MROH2A: variants seen among roughly 807,000 people sequenced by gnomAD.
MROH2A encodes the protein maestro heat like repeat family member 2A.
MROH2A carries 174 observed loss-of-function variants against 200.4 expected under a neutral mutation model. The observed-to-expected ratio is 0.87, with a 90% CI of 0.77 to 0.98. The LOEUF (loss-of-function observed/expected upper bound fraction) is 0.98, where lower values mean the gene tolerates loss of function less well. Ranked by LOEUF, MROH2A falls within the 50% of genes least tolerant of loss-of-function variation. The pLI is 0.00. For synonymous variants in MROH2A, 829 were observed against 840.4 expected (o/e 0.99, Z 0.23); for missense variants, 2,045 against 2,139.6 (o/e 0.96, Z 0.87).
At chr2:233,788,888 G>A (rs575086644) in intron 3 of MROH2A, among the ~76,000 whole-genome samples, 6 of 135,446 alleles carry the variant, frequency 4.4e-5, no homozygotes, top group Admixed American at 8.7e-5. Context: ...GCAGTGAGGC[G>A]AAATCGCGCC....
chr2:233,797,777 C>T (rs539183972), intron 11 of MROH2A, among the ~76,000 whole-genome samples: 19 of 152,118 alleles, frequency 1.2e-4, no homozygotes, highest in Non-Finnish European at 2.4e-4. Flanking sequence ...ATGTTCCCCT[C>T]CCTATGTCCA....
chr2:233,780,221 G>A (rs1056936525), intron 3 of MROH2A, among the ~76,000 whole-genome samples: 1 of 152,238 alleles, frequency 6.6e-6, no homozygotes, highest in African/African-American at 2.4e-5. Flanking sequence ...GAGGATGTTG[G>A]AGGGAGTGAT....
At chr2:233,823,803 C>T in intron 35 of MROH2A, 139 bp downstream of exon 35, 1 of 1,056,862 alleles carries the variant, frequency 9.5e-7, no homozygotes, top group Admixed American at 2.4e-5. Context: ...CTCATTCTCT[C>T]ATCTGCTCCT....
At chr2:233,775,932 G>A (rs1245076276), upstream of MROH2A, among the ~76,000 whole-genome samples, 1 of 152,092 alleles carries the variant, frequency 6.6e-6, no homozygotes, top group Non-Finnish European at 1.5e-5. Flanking sequence ...GGTTTTATAG[G>A]GGGCTTTTCC....
chr2:233,792,817 T>TG lies in MROH2A; in HGVS notation c.596dup (p.Ile200HisfsTer15). 1 of 1,548,342 alleles carries TG rather than the reference T, an allele frequency of 6.5e-7. No individual in the cohort carries two copies. The highest frequency in any genetic ancestry group is 1.4e-5 in the African/African-American group (1 of 73,104). On this transcript the variant is annotated frameshift_variant, in exon 6 of 42. Transcript: ENST00000389758. LOFTEE classifies it high-confidence loss of function. ...ACAGTGTTTGAGTTCATGCCATACA[T>TG]GGGCATCACCCTGGCTACCATATTC... is the stretch of plus-strand genomic sequence containing the variant.
At chr2:233,801,457 A>C (rs1245867411) in intron 14 of MROH2A, among the ~76,000 whole-genome samples, 1 of 152,222 alleles carries the variant, frequency 6.6e-6, no homozygotes, top group Non-Finnish European at 1.5e-5. Context: ...AAACAGAACC[A>C]GTAGAAGACA....
In MROH2A at chr2:233,822,050, G is replaced by A; in HGVS notation, c.3513-74G>A. On this transcript the variant is annotated intron_variant, in intron 31 of 41. Transcript: ENST00000389758. ...AACCCCTACTTAGGGGGCTGCCAAGGGTTTGAAAGGGATTCTTACCTGCCA... is the reference window on the plus strand; with the variant it reads ...AACCCCTACTTAGGGGGCTGCCAAGAGTTTGAAAGGGATTCTTACCTGCCA... 1.0e-5 allele frequency: 15 copies of A among 1,475,226 alleles called. No homozygotes were observed. The South Asian group carries it at 1.6e-4, about 16-fold the overall frequency. 91.4% of individuals were successfully genotyped at this position (1,475,226 alleles called of 1,614,324 possible).
In MROH2A at chr2:233,809,251, C is replaced by A. The variant is rs1233409409; in HGVS notation, c.2421C>A (p.Ile807=). Reference sequence around the variant, plus strand: ...TGGACAGCCCCATCACCGCTAAGATCATTCACCATTATGTCAGCAGCTGCC... The same window carrying A: ...TGGACAGCCCCATCACCGCTAAGATAATTCACCATTATGTCAGCAGCTGCC... The part of the protein sequence containing the change: ...NLVDSPITAK[I]IHHYVSSCQD... Residue 807 remains isoleucine, a synonymous_variant, in exon 22 of 42, where the codon ATC becomes ATA. Coordinates refer to ENST00000389758, the MANE Select transcript of MROH2A (RefSeq NM_001394639.1). 6.4e-7 allele frequency: 1 copy of A among 1,550,568 alleles called. No individual in the cohort carries two copies. The highest frequency in any genetic ancestry group is 2.4e-5 in the East Asian group (1 of 40,922).
intron 3 of MROH2A, among the ~76,000 whole-genome samples, chr2:233,783,694 C>T (rs1407655717): frequency 6.6e-6 from 1 of 152,234 alleles, no homozygotes; most frequent in African/African-American, 2.4e-5. Flanking sequence ...TACAGGCACG[C>T]ACCACCATGC....
intron 24 of MROH2A, among the ~76,000 whole-genome samples, chr2:233,812,225 T>C (rs1178351807): frequency 6.6e-6 from 1 of 152,198 alleles, no homozygotes; most frequent in South Asian, 2.1e-4. Flanking sequence ...CTTCCATTGA[T>C]TGGGGATATT....
At chr2:233,795,616 A>G (rs1702054402) in intron 8 of MROH2A, 37 bp from the exon 9 acceptor site, 1 of 1,550,682 alleles carries the variant, frequency 6.4e-7, no homozygotes, top group Non-Finnish European at 8.7e-7. Context: ...TTGAGTTGGT[A>G]GAAGGTCACC....
At chr2:233,779,167 A>G (rs1488250175) in intron 1 of MROH2A, among the ~76,000 whole-genome samples, 178 bp from the exon 2 acceptor site, 2 of 152,194 alleles carry the variant, frequency 1.3e-5, no homozygotes, top group Non-Finnish European at 2.9e-5. Flanking sequence ...CATATGATGT[A>G]ATCCACTCGA....
intron 5 of MROH2A, among the ~76,000 whole-genome samples, chr2:233,791,427 A>C (rs535384867): frequency 6.6e-6 from 1 of 152,320 alleles, no homozygotes; most frequent in South Asian, 2.1e-4. Flanking sequence ...AGCTAGAAGC[A>C]CTGAGAGTTG....
At chr2:233,778,912 C>T (rs1417495219) in intron 1 of MROH2A, among the ~76,000 whole-genome samples, 2 of 152,196 alleles carry the variant, frequency 1.3e-5, no homozygotes. Flanking sequence ...TTTAGGGTCT[C>T]AGAGACTGCA....
Position 233,819,256 on chromosome 2 carries a change from A to G in MROH2A, c.3205-61A>G, listed in dbSNP as rs1214585595. ...GCCATGGGGTGGGACAGGGGAGGAG[A>G]GAGTGTCAGCAGTCATGGAGTGGCA... On this transcript the variant is annotated intron_variant, in intron 29 of 41. Transcript: ENST00000389758. The G allele has an allele frequency of 6.1e-6, 9 of 1,485,602 alleles. No homozygotes were observed. The Admixed American group carries it at 1.4e-4, about 23-fold the overall frequency. 92.0% of individuals were successfully genotyped at this position (1,485,602 alleles called of 1,614,324 possible).
At position 233,807,439 on chromosome 2, in the gene MROH2A, C is replaced by T. The variant is rs1380224573; in HGVS notation, c.2069C>T (p.Ala690Val). 3.2e-6 allele frequency: 5 copies of T among 1,550,530 alleles called. No homozygotes were observed. In the South Asian group the frequency reaches 4.8e-5, roughly 15 times the overall value. The change falls in exon 20 of 42, where the codon GCC becomes GTC. Residue 690 changes from alanine to valine, a missense_variant. Transcript: ENST00000389758. This position sits in a 1 kb window ranked among gnomAD's most constrained non-coding sequence, Gnocchi z 4.3. ...CCTCTCCAGGGCTTTCTGTACCGGG[C>T]CTTGGGCTTCACCTTGGCCACAGGC... Reference protein sequence around the residue: ...PSLEKGFLYRALGFTLATGLE... With the variant: ...PSLEKGFLYRVLGFTLATGLE...
intron 4 of MROH2A, 54 bp downstream of exon 4, chr2:233,789,682 C>T (rs1467308344): frequency 6.9e-7 from 1 of 1,439,522 alleles, no homozygotes; most frequent in Non-Finnish European, 9.2e-7. Context: ...GGAGCTGGGC[C>T]ACGGGGGGCC....
chr2:233,831,459 C>T lies in MROH2A; in HGVS notation c.4653C>T (p.Ser1551=), dbSNP rs1371124858. ...FQCVHFWGWK[S]LEHPSGPSDT... ...GTGTGCACTTCTGGGGCTGGAAGTC[C>T]CTGGAGCATCCCTCAGGGCCAAGTG... Residue 1551 remains serine (S), a synonymous_variant, in exon 39 of 42, where the codon TCC becomes TCT. Coordinates refer to ENST00000389758, the MANE Select transcript of MROH2A (RefSeq NM_001394639.1). The T allele has an allele frequency of 6.4e-7, 1 of 1,550,542 alleles. No homozygotes were observed. The highest frequency in any genetic ancestry group is 2.4e-5 in the East Asian group (1 of 40,908).
In MROH2A at chr2:233,806,859, T is replaced by C. The variant is rs561889031; in HGVS notation, c.2053-564T>C. On this transcript the variant is annotated intron_variant, in intron 19 of 41. Coordinates refer to ENST00000389758, the MANE Select transcript of MROH2A (RefSeq NM_001394639.1). ...GGTGGTCTTCGGTTACATGAATAAA[T>C]GGGAATTTGCAAGATTTTGGTGCAC... Among the ~76,000 whole-genome samples, 22 of 152,292 alleles carry C rather than the reference T, an allele frequency of 1.4e-4. No individual in the cohort carries two copies. The South Asian group carries it at 4.6e-3, about 32-fold the overall frequency.
Sources: allele counts gnomAD v4.1 joint callset (sites outside exome capture counted in the v4.1 genomes callset), GRCh38; gene constraint gnomAD v4.1.1; non-coding constraint Gnocchi (gnomAD v3.1); transcripts MANE v1.5; gene names NCBI Gene and HGNC (gene_info 2026-07-23, HGNC 2026-07-21).